SASH1: variants seen among roughly 807,000 people sequenced by gnomAD.
SASH1 encodes the protein SAM and SH3 domain-containing protein 1.
SASH1 carries 44 observed loss-of-function variants against 125.2 expected under a neutral mutation model. The observed-to-expected ratio is 0.35, with a 90% CI of 0.28 to 0.45. SASH1 has a LOEUF of 0.45. Ranked by LOEUF, SASH1 falls within the 20% of genes least tolerant of loss-of-function variation. The pLI is 1.00. For missense variants in SASH1, 1,426 were observed against 1,614.5 expected (o/e 0.88, Z 2.00); for synonymous variants, 639 against 649.1 (o/e 0.98, Z 0.24).
chr6:148,310,193 G>A (rs1192358589), intron 1 of SASH1, among the ~76,000 whole-genome samples: 2 of 151,940 alleles, frequency 1.3e-5, no homozygotes, highest in Non-Finnish European at 2.9e-5. Context: ...GTGGTGGTGC[G>A]TGCCTGTAGT....
Position 148,533,830 on chromosome 6 carries a change from G to A in SASH1, c.1794G>A (p.Leu598=). The change falls in exon 15 of 20, where the codon CTG becomes CTA. Residue 598 remains leucine, a synonymous_variant. Coordinates refer to ENST00000367467, the MANE Select transcript of SASH1 (RefSeq NM_015278.5). The surrounding 1 kb of genome is among the most constrained non-coding windows in gnomAD (Gnocchi z 6.2). ...CCATGGGGACCTGGATGGGCCTGCT[G>A]AACAACAAAGTCGGCACGTTCAAGT... is the stretch of plus-strand genomic sequence containing the variant. ...KPPMGTWMGL[L]NNKVGTFKFI... 6.2e-7 allele frequency: 1 copy of A among 1,614,008 alleles called. No individual in the cohort carries two copies. The highest frequency in any genetic ancestry group is 8.5e-7 in the Non-Finnish European group (1 of 1,179,986).
At chr6:148,268,877 C>T (rs543529755), upstream of SASH1, among the ~76,000 whole-genome samples, 1 of 152,098 alleles carries the variant, frequency 6.6e-6, no homozygotes, top group Non-Finnish European at 1.5e-5. Flanking sequence ...GGCTTCATAT[C>T]GGTTACTCAG....
intron 1 of SASH1, among the ~76,000 whole-genome samples, chr6:148,379,581 A>G (rs112506812): frequency 2.6e-5 from 4 of 152,156 alleles, no homozygotes; most frequent in Non-Finnish European, 5.9e-5. Context: ...GAGAGGGATC[A>G]ACTTTACTGC....
chr6:148,471,577 A>G (rs572815001), intron 6 of SASH1, 74 bp downstream of exon 6: 1 of 878,152 alleles, frequency 1.1e-6, no homozygotes, highest in East Asian at 2.5e-5. Flanking sequence ...GGCTAATCTC[A>G]GTGGATGCTA....
intron 1 of SASH1, among the ~76,000 whole-genome samples, chr6:148,344,320 TGTATCAA>T (rs1248010165): frequency 6.6e-6 from 1 of 152,196 alleles, no homozygotes; most frequent in Non-Finnish European, 1.5e-5. Context: ...GGTTGATGTG[TGTATCAA>T]GTACTCAGCA....
chr6:148,330,611 G>C (rs1780965363), intron 1 of SASH1, among the ~76,000 whole-genome samples: 1 of 152,082 alleles, frequency 6.6e-6, no homozygotes, highest in Non-Finnish European at 1.5e-5. Context: ...CTGAGATGGA[G>C]TTTCCCTCTT....
chr6:148,305,982 T>C (rs1780119575), intron 1 of SASH1, among the ~76,000 whole-genome samples: 1 of 152,220 alleles, frequency 6.6e-6, no homozygotes. Context: ...TTTATCCTGG[T>C]GTGATTATTA....
At chr6:148,354,541 G>A (rs564483238) in intron 1 of SASH1, among the ~76,000 whole-genome samples, 1 of 151,818 alleles carries the variant, frequency 6.6e-6, no homozygotes, top group South Asian at 2.1e-4. Flanking sequence ...TATTTTTTAT[G>A]AGCTATTTTC....
chr6:148,236,326 G>A, the SASH1 span, among the ~76,000 whole-genome samples: 247 of 151,750 alleles, frequency 1.6e-3, 2 homozygotes, highest in Non-Finnish European at 2.5e-3. Flanking sequence ...TGATTCTCCC[G>A]CCTCAGCCTC....
chr6:148,523,968 G>A (rs1780971629), intron 10 of SASH1, among the ~76,000 whole-genome samples: 1 of 151,892 alleles, frequency 6.6e-6, no homozygotes, highest in Admixed American at 6.6e-5. Flanking sequence ...AGCTCAGAGA[G>A]TGTAAGTACT....
chr6:148,508,994 T>C, intron 8 of SASH1: 1 of 541,426 alleles, frequency 1.8e-6, no homozygotes, highest in Non-Finnish European at 3.3e-6. Flanking sequence ...TAAATTCCTC[T>C]AGATTTGTCC....
At chr6:148,299,371 C>A (rs1779870003) in intron 1 of SASH1, among the ~76,000 whole-genome samples, 1 of 150,410 alleles carries the variant, frequency 6.6e-6, no homozygotes, top group South Asian at 2.1e-4. Context: ...ATTCTGATAT[C>A]ATTAAAAGAC....
chr6:148,271,534 G>GTTTTA (rs1260647094), upstream of SASH1, among the ~76,000 whole-genome samples: 2 of 151,984 alleles, frequency 1.3e-5, no homozygotes, highest in Non-Finnish European at 2.9e-5. Context: ...TAAAACTTTT[G>GTTTTA]TTTTATTTTA....
intron 16 of SASH1, among the ~76,000 whole-genome samples, chr6:148,537,774 T>TTG (rs1173037021): frequency 3.9e-4 from 43 of 110,832 alleles, no homozygotes; most frequent in African/African-American, 1.3e-3. Context: ...TCTTAGCATA[T>TTG]TCTGTGTGTG....
chr6:148,403,446 T>A (rs1471952767), intron 2 of SASH1, among the ~76,000 whole-genome samples: 2 of 151,900 alleles, frequency 1.3e-5, no homozygotes, highest in African/African-American at 4.8e-5. Flanking sequence ...ACATTCATTG[T>A]AAAAAAATTG....
At chr6:148,439,193 T>C (rs1378884670) in intron 2 of SASH1, among the ~76,000 whole-genome samples, 1 of 152,218 alleles carries the variant, frequency 6.6e-6, no homozygotes, top group African/African-American at 2.4e-5. Context: ...AACTATGAAA[T>C]GAGGGTGTTA....
chr6:148,537,516 T>G (rs185301731), intron 16 of SASH1, among the ~76,000 whole-genome samples: 1 of 152,368 alleles, frequency 6.6e-6, no homozygotes, highest in Non-Finnish European at 1.5e-5. Flanking sequence ...TTAGGAATTA[T>G]TTCAAACATG....
At chr6:148,466,586 G>A (rs1262726429) in intron 4 of SASH1, among the ~76,000 whole-genome samples, 1 of 152,132 alleles carries the variant, frequency 6.6e-6, no homozygotes, top group Non-Finnish European at 1.5e-5. Flanking sequence ...GAATGAGACA[G>A]AGTCTCATTC....
intron 1 of SASH1, among the ~76,000 whole-genome samples, chr6:148,297,584 T>C (rs996887023): frequency 1.3e-5 from 2 of 152,216 alleles, no homozygotes; most frequent in African/African-American, 4.8e-5. Context: ...CTGTAGCACT[T>C]TGGGAGGCCA....
Sources: allele counts gnomAD v4.1 joint callset (sites outside exome capture counted in the v4.1 genomes callset), GRCh38; gene constraint gnomAD v4.1.1; non-coding constraint Gnocchi (gnomAD v3.1); transcripts MANE v1.5; gene names NCBI Gene and HGNC (gene_info 2026-07-23, HGNC 2026-07-21).